FHIT: variants seen among roughly 807,000 people sequenced by gnomAD.
FHIT encodes the protein fragile histidine triad diadenosine triphosphatase, also known as bis(5'-adenosyl)-triphosphatase.
A neutral mutation model predicts 17.9 loss-of-function variants in FHIT; 19 were observed. That is an observed-to-expected ratio of 1.06 (90% CI 0.74 to 1.56). FHIT has a LOEUF of 1.56. Ranked by LOEUF, FHIT falls within the 40% of genes most tolerant of loss-of-function variation. The probability of loss-of-function intolerance (pLI) is 0.00; values close to 1 mark genes in which losing one functional copy is unlikely to be tolerated. For missense variants in FHIT, 248 were observed against 189.2 expected (o/e 1.31, Z -1.82); for synonymous variants, 81 against 69.7 (o/e 1.16, Z -0.81).
At chr3:59,951,249 C>T (rs986514247) in intron 7 of FHIT, among the ~76,000 whole-genome samples, 2 of 152,054 alleles carry the variant, frequency 1.3e-5, no homozygotes, top group Non-Finnish European at 2.9e-5. Context: ...ATGAACCCAC[C>T]TGGGTTCTGT....
intron 3 of FHIT, among the ~76,000 whole-genome samples, chr3:61,013,103 T>C (rs1400948216): frequency 6.6e-6 from 1 of 152,166 alleles, no homozygotes; most frequent in Non-Finnish European, 1.5e-5. Context: ...TGCAACTCTT[T>C]AAACTTATAA....
At chr3:60,001,736 TAAAG>T (rs369595024) in intron 7 of FHIT, among the ~76,000 whole-genome samples, 1 of 152,154 alleles carries the variant, frequency 6.6e-6, no homozygotes, top group Non-Finnish European at 1.5e-5. Flanking sequence ...GTTTCTTCCT[TAAAG>T]AGTGAGATTC....
At chr3:60,584,631 CT>C (rs1269502931) in intron 4 of FHIT, among the ~76,000 whole-genome samples, 1 of 152,046 alleles carries the variant, frequency 6.6e-6, no homozygotes, top group Non-Finnish European at 1.5e-5. Flanking sequence ...TTATCAGAAT[CT>C]TTTATCTTCA....
intron 2 of FHIT, among the ~76,000 whole-genome samples, chr3:61,055,346 C>A (rs1026948652): frequency 6.6e-6 from 1 of 152,050 alleles, no homozygotes; most frequent in Non-Finnish European, 1.5e-5. Flanking sequence ...ATTGTAGCCA[C>A]AATAATGCCT....
chr3:59,886,572 G>T (rs571046778), intron 8 of FHIT, among the ~76,000 whole-genome samples: 23 of 152,146 alleles, frequency 1.5e-4, no homozygotes, highest in Non-Finnish European at 3.2e-4. Context: ...CACATGGGGA[G>T]CGAGGAAGCA....
chr3:60,830,823 CA>C (rs1353057912), intron 3 of FHIT, among the ~76,000 whole-genome samples: 2 of 151,830 alleles, frequency 1.3e-5, no homozygotes, highest in Non-Finnish European at 2.9e-5. Context: ...ATCCAATTCA[CA>C]CACACACACA....
At chr3:61,209,116 C>T (rs1315171794) in intron 1 of FHIT, among the ~76,000 whole-genome samples, 1 of 152,050 alleles carries the variant, frequency 6.6e-6, no homozygotes, top group East Asian at 1.9e-4. Context: ...GTTGAAAATT[C>T]TTTCCTTTAA....
chr3:60,065,100 G>C lies in FHIT; in HGVS notation c.104-50948C>G, dbSNP rs147988134. Among the ~76,000 whole-genome samples the C allele has an allele frequency of 1.7e-3, 264 of 152,218 alleles. 1 individual carries two copies. The highest frequency in any genetic ancestry group is 5.9e-3 in the African/African-American group (246 of 41,560). ...TTCTTTAGGACATAAATTGGGCAAA[G>C]AGCAATCAACTCACAAAAAGAGAAG... is the stretch of plus-strand genomic sequence containing the variant. On this transcript the variant is annotated intron_variant, in intron 5 of 9. Transcript: ENST00000492590.
chr3:60,779,934 A>G (rs1700330209), intron 4 of FHIT, among the ~76,000 whole-genome samples: 1 of 152,196 alleles, frequency 6.6e-6, no homozygotes, highest in African/African-American at 2.4e-5. Flanking sequence ...GATAGGGCAT[A>G]CGTGGGTAAG....
chr3:60,057,016 T>C (rs1012823874), intron 5 of FHIT, among the ~76,000 whole-genome samples: 1 of 152,074 alleles, frequency 6.6e-6, no homozygotes, highest in Non-Finnish European at 1.5e-5. Context: ...GGATGCTTTT[T>C]TCTGCCTCTC....
intron 1 of FHIT, among the ~76,000 whole-genome samples, chr3:61,249,470 G>C (rs1165292481): frequency 2.0e-5 from 3 of 152,170 alleles, no homozygotes; most frequent in African/African-American, 7.2e-5. Flanking sequence ...ATAATTAAAA[G>C]ATTCCAAATT....
At chr3:59,818,115 A>G (rs1700666912) in intron 8 of FHIT, among the ~76,000 whole-genome samples, 1 of 151,412 alleles carries the variant, frequency 6.6e-6, no homozygotes, top group African/African-American at 2.4e-5. Flanking sequence ...CTAAAAAGAA[A>G]AAAAAAGGAG....
In FHIT at chr3:59,949,624, C is replaced by A. The variant is rs558459455; in HGVS notation, c.280-27210G>T. On this transcript the variant is annotated intron_variant, in intron 7 of 9. Transcript: ENST00000492590. ...GATGTGTTAGTGATTAATTTCTTCT[C>A]AGCTACCACACTTCTAGCTAACGCT... is the stretch of plus-strand genomic sequence containing the variant. Among the ~76,000 whole-genome samples, 23 of 152,342 alleles carry A rather than the reference C, an allele frequency of 1.5e-4. No individual in the cohort carries two copies. In the East Asian group the frequency reaches 1.5e-3, roughly 10 times the overall value.
chr3:60,695,812 C>G (rs782646607), intron 4 of FHIT, among the ~76,000 whole-genome samples: 12 of 152,154 alleles, frequency 7.9e-5, no homozygotes, highest in Non-Finnish European at 1.6e-4. Context: ...TCACTTCCCT[C>G]ACCTACAAAA....
chr3:60,204,580 C>G (rs1703078789), intron 5 of FHIT, among the ~76,000 whole-genome samples: 1 of 148,680 alleles, frequency 6.7e-6, no homozygotes, highest in Non-Finnish European at 1.5e-5. Flanking sequence ...GGTGAGCCAC[C>G]CTTCCCAGCC....
chr3:60,798,914 C>T (rs782068928), intron 4 of FHIT, among the ~76,000 whole-genome samples: 8 of 151,162 alleles, frequency 5.3e-5, no homozygotes, highest in Admixed American at 3.3e-4. Context: ...TGCACCACCA[C>T]GCCCTGCTAG....
chr3:61,007,740 G>A (rs565339884), intron 3 of FHIT, among the ~76,000 whole-genome samples: 2 of 152,282 alleles, frequency 1.3e-5, no homozygotes, highest in African/African-American at 4.8e-5. Flanking sequence ...GATCTCTGTA[G>A]GATCCCTTTT....
chr3:60,185,171 G>A (rs2107452335), intron 5 of FHIT, among the ~76,000 whole-genome samples: 1 of 152,210 alleles, frequency 6.6e-6, no homozygotes, highest in Non-Finnish European at 1.5e-5. Context: ...TCGTGAAGCA[G>A]AAATGTACCC....
intron 2 of FHIT, among the ~76,000 whole-genome samples, chr3:61,102,742 G>A (rs1019677371): frequency 6.6e-6 from 1 of 152,162 alleles, no homozygotes; most frequent in South Asian, 2.1e-4. Context: ...CCTGTTATTG[G>A]TGTATTTGGA....
Sources: gnomAD v4.1 joint callset for allele counts (sites outside exome capture counted in the v4.1 genomes callset) on GRCh38, gnomAD v4.1.1 for gene constraint, MANE v1.5 for transcripts, NCBI Gene and HGNC (gene_info 2026-07-23, HGNC 2026-07-21) for gene names.